The following DYNC2H1 variants were observed in gnomAD, a reference collection of about 807,000 sequenced individuals.
DYNC2H1 encodes dynein cytoplasmic 2 heavy chain 1.
DYNC2H1 carries 410 observed loss-of-function variants against 570.0 expected under a neutral mutation model. The ratio of observed to expected loss-of-function variants is 0.72; its 90% CI spans 0.66 to 0.78. The LOEUF (loss-of-function observed/expected upper bound fraction) is 0.78. Ranked by LOEUF, DYNC2H1 falls within the 30% of genes least tolerant of loss-of-function variation. DYNC2H1 has a pLI of 0.00. For synonymous variants in DYNC2H1, 1,688 were observed against 1,677.6 expected (o/e 1.01, Z -0.15); for missense variants, 4,865 against 5,046.4 (o/e 0.96, Z 1.09).
chr11:103,235,021 C>T (rs1266075321), intron 61 of DYNC2H1, among the ~76,000 whole-genome samples: 2 of 151,728 alleles, frequency 1.3e-5, no homozygotes, highest in Non-Finnish European at 3.0e-5. Flanking sequence ...TTTCATTTCT[C>T]ATCTGACTTT....
Position 103,158,658 on chromosome 11 carries a change from A to C in DYNC2H1, c.4128-19A>C, listed in dbSNP as rs767645028. 1.5e-5 allele frequency: 22 copies of C among 1,511,716 alleles called. 1 individual carries two copies. The highest frequency in any genetic ancestry group is 4.5e-4 in the Middle Eastern group (2 of 4,460). 93.6% of individuals were successfully genotyped at this position (1,511,716 alleles called of 1,614,324 possible). ...AAATTGTTAAAGTAGATGTGAAGAT[A>C]CTTTTTTTTCTTTTGTAGATCAATA... On this transcript the variant is annotated intron_variant, in intron 26 of 88. Coordinates refer to ENST00000375735, the MANE Select transcript of DYNC2H1 (RefSeq NM_001377.3).
chr11:103,377,000 G>A (rs182701914), intron 83 of DYNC2H1, among the ~76,000 whole-genome samples: 57 of 152,244 alleles, frequency 3.7e-4, no homozygotes, highest in Non-Finnish European at 6.8e-4. Flanking sequence ...ACTGTCTAGT[G>A]GGGATTCCCT....
At chr11:103,127,786 G>T (rs1054717516) in intron 12 of DYNC2H1, among the ~76,000 whole-genome samples, 4 of 152,166 alleles carry the variant, frequency 2.6e-5, no homozygotes, top group Admixed American at 6.5e-5. Flanking sequence ...AGCATTTATT[G>T]AGTCCTTGCT....
At chr11:103,417,322 C>T (rs865788449) in intron 84 of DYNC2H1, among the ~76,000 whole-genome samples, 16 of 151,902 alleles carry the variant, frequency 1.1e-4, no homozygotes, top group African/African-American at 3.1e-4. Context: ...AGGATGGTCT[C>T]GATCTCTTGA....
Position 103,153,297 on chromosome 11 carries a change from T to C in DYNC2H1, c.3097-6T>C. The C allele has an allele frequency of 6.5e-7, 1 of 1,529,452 alleles. No homozygotes were observed. The highest frequency in any genetic ancestry group is 8.8e-7 in the Non-Finnish European group (1 of 1,140,876). 94.7% of individuals were successfully genotyped at this position (1,529,452 alleles called of 1,614,324 possible). The stretch of plus-strand genomic sequence containing the variant: ...ATTAAATTATTTAAATTTTATTGGC[T>C]TATAGATTGAAGTGATGAAAGGAAA... On this transcript the variant is annotated splice_polypyrimidine_tract_variant and splice_region_variant and intron_variant, in intron 21 of 88. Coordinates refer to ENST00000375735, the MANE Select transcript of DYNC2H1 (RefSeq NM_001377.3).
rs371156092 is a variant in DYNC2H1, at chr11:103,292,890, T to C, written c.11095+5285T>C. ...CTGGCAGAATCATGAGTCAATCAAATCTCTTGTCTTTTTAAATTAGCCCAT... is the reference window on the plus strand; with the variant it reads ...CTGGCAGAATCATGAGTCAATCAAACCTCTTGTCTTTTTAAATTAGCCCAT... On this transcript the variant is annotated intron_variant, in intron 75 of 88. Coordinates refer to ENST00000375735, the MANE Select transcript of DYNC2H1 (RefSeq NM_001377.3). Among the ~76,000 whole-genome samples the C allele has an allele frequency of 2.0e-5, 3 of 152,322 alleles. No individual in the cohort carries two copies. In the East Asian group the frequency reaches 5.8e-4, roughly 29 times the overall value.
At chr11:103,391,681 G>T (rs1481760407) in intron 83 of DYNC2H1, among the ~76,000 whole-genome samples, 1 of 152,156 alleles carries the variant, frequency 6.6e-6, no homozygotes, top group African/African-American at 2.4e-5. Flanking sequence ...TTTTGGTGTG[G>T]ATGTCCCTTC....
intron 10 of DYNC2H1, among the ~76,000 whole-genome samples, chr11:103,122,360 G>A (rs891873489): frequency 6.6e-6 from 1 of 152,194 alleles, no homozygotes; most frequent in African/African-American, 2.4e-5. Flanking sequence ...TTTCCAGGGT[G>A]CTCTAATGTT....
chr11:103,177,847 T>C lies in DYNC2H1; in HGVS notation c.6139+27T>C, dbSNP rs373885157. 104 of 1,571,524 alleles carry C rather than the reference T, an allele frequency of 6.6e-5. 2 individuals are homozygous for C. In the African/African-American group the frequency reaches 1.4e-3, roughly 21 times the overall value. ...TTAGTCTCTATGTATACTTCTTTGCTTTACTTAGTAATTCTTAGATAATGA... is the reference window on the plus strand; with the variant it reads ...TTAGTCTCTATGTATACTTCTTTGCCTTACTTAGTAATTCTTAGATAATGA... On this transcript the variant is annotated intron_variant, in intron 38 of 88. Coordinates refer to ENST00000375735, the MANE Select transcript of DYNC2H1 (RefSeq NM_001377.3). The surrounding 1 kb of genome is among the most constrained non-coding windows in gnomAD (Gnocchi z 4.4).
chr11:103,179,123 C>T lies in DYNC2H1; in HGVS notation c.6237C>T (p.Pro2079=). The stretch of plus-strand genomic sequence containing the variant: ...ATGATAATCGACTGCTGACTATGCC[C>T]AGTGGAGAAAGGATTCAGTTTGGCC... ...VLDDNRLLTM[P]SGERIQFGPN... Residue 2079 remains proline (P), a synonymous_variant, in exon 39 of 89, where the codon CCC becomes CCT. Coordinates refer to ENST00000375735, the MANE Select transcript of DYNC2H1 (RefSeq NM_001377.3). 1.2e-6 allele frequency: 2 copies of T among 1,613,114 alleles called. No homozygotes were observed. Among genetic ancestry groups the T allele is most frequent in the African/African-American group, 1.3e-5 (1 of 74,970 alleles).
intron 82 of DYNC2H1, among the ~76,000 whole-genome samples, chr11:103,353,194 C>T (rs1047110953): frequency 1.3e-5 from 2 of 152,160 alleles, no homozygotes; most frequent in African/African-American, 4.8e-5. Context: ...TGCATCTGGG[C>T]TTTATACCTA....
Position 103,133,771 on chromosome 11 carries a change from C to A in DYNC2H1, c.2106+64C>A. 7.0e-7 allele frequency: 1 copy of A among 1,429,396 alleles called. No homozygotes were observed. The highest frequency in any genetic ancestry group is 9.3e-7 in the Non-Finnish European group (1 of 1,071,736). The allele number at this position is 1,429,396 out of a possible 1,614,324, so 88.5% of individuals were successfully genotyped here. On this transcript the variant is annotated intron_variant, in intron 14 of 88. Coordinates refer to ENST00000375735, the MANE Select transcript of DYNC2H1 (RefSeq NM_001377.3). This position sits in a 1 kb window ranked among gnomAD's most constrained non-coding sequence, Gnocchi z 4.8. ...TATTATTTAAAAAGTCATTAAGATA[C>A]AATTTTTAAAAACTTATTTTGAAAT...
chr11:103,399,199 G>C (rs1033538003), intron 83 of DYNC2H1, among the ~76,000 whole-genome samples: 1 of 145,114 alleles, frequency 6.9e-6, no homozygotes, highest in African/African-American at 2.6e-5. Flanking sequence ...CTGGAGGGCA[G>C]TGGCACAATC....
chr11:103,150,831 ATGT>A (rs1860497657), intron 20 of DYNC2H1, among the ~76,000 whole-genome samples: 1 of 152,134 alleles, frequency 6.6e-6, no homozygotes, highest in Non-Finnish European at 1.5e-5. Context: ...GGAGAGATTG[ATGT>A]TGTTTGCTGG....
chr11:103,445,682 C>T (rs1282363978), intron 85 of DYNC2H1, among the ~76,000 whole-genome samples: 7 of 152,232 alleles, frequency 4.6e-5, no homozygotes, highest in Non-Finnish European at 7.4e-5. Context: ...GACGGAGTCT[C>T]GCTCTGTTGC....
chr11:103,253,061 T>C (rs1389209017), intron 65 of DYNC2H1, among the ~76,000 whole-genome samples: 2 of 152,204 alleles, frequency 1.3e-5, no homozygotes, highest in Non-Finnish European at 2.9e-5. Context: ...CCTTGGGTGC[T>C]TCAGTATCCC....
At chr11:103,156,249 T>C (rs1168228638) in intron 25 of DYNC2H1, 139 bp from the exon 26 acceptor site, 1 of 773,934 alleles carries the variant, frequency 1.3e-6, no homozygotes, top group Non-Finnish European at 2.0e-6. Flanking sequence ...GCATGTAAAA[T>C]AGAGCCACTT....
Position 103,204,514 on chromosome 11 carries a change from A to G in DYNC2H1, c.8312-308A>G. On this transcript the variant is annotated intron_variant, in intron 51 of 88. Coordinates refer to ENST00000375735, the MANE Select transcript of DYNC2H1 (RefSeq NM_001377.3). This position sits in a 1 kb window ranked among gnomAD's most constrained non-coding sequence, Gnocchi z 4.1. The stretch of plus-strand genomic sequence containing the variant: ...ACTAGCCTTTTATTCTTATAGAAAC[A>G]GTTTTATATGCACTGTAGAAATCCA... Among the ~76,000 whole-genome samples, 1 of 152,158 alleles carries G rather than the reference A, an allele frequency of 6.6e-6. No homozygotes were observed. Among genetic ancestry groups the G allele is most frequent in the South Asian group, 2.1e-4 (1 of 4,826 alleles).
chr11:103,309,226 G>GTGCAGTGATGCTATCACAGCTCAC lies in DYNC2H1; in HGVS notation c.11493+1402_11493+1425dup. Among the ~76,000 whole-genome samples the GTGCAGTGATGCTATCACAGCTCAC allele has an allele frequency of 1.5e-5, 2 of 129,754 alleles. 1 individual carries two copies. Among genetic ancestry groups the GTGCAGTGATGCTATCACAGCTCAC allele is most frequent in the Admixed American group, 1.8e-4 (2 of 11,316 alleles). The allele number at this position is 129,754 out of a possible 152,430, so 85.1% of individuals were successfully genotyped here. A position where few individuals can be genotyped will look rare whatever the true frequency, so the allele number is the denominator to read the frequency against. Reference sequence around the variant, plus strand: ...GTCTCGCTCTGTTACCCAGGCTGGAGTGCAGTGATGCTATCACAGCTCACT... The same window carrying GTGCAGTGATGCTATCACAGCTCAC: ...GTCTCGCTCTGTTACCCAGGCTGGAGTGCAGTGATGCTATCACAGCTCACTGCAGTGATGCTATCACAGCTCACT... On this transcript the variant is annotated intron_variant, in intron 78 of 88. Transcript: ENST00000375735.
Sources: gnomAD v4.1 joint callset for allele counts (sites outside exome capture counted in the v4.1 genomes callset) on GRCh38, gnomAD v4.1.1 for gene constraint, Gnocchi (gnomAD v3.1) non-coding constraint, MANE v1.5 for transcripts, NCBI Gene and HGNC (gene_info 2026-07-23, HGNC 2026-07-21) for gene names.